The following SAMD12 variants were observed in gnomAD, a reference collection of about 807,000 sequenced individuals.
The protein encoded by SAMD12 is sterile alpha motif domain containing 12.
In SAMD12, 9 loss-of-function variants were observed where a neutral mutation model predicts 15.0. That is an observed-to-expected ratio of 0.60 (90% confidence interval 0.36 to 1.05). SAMD12 has a LOEUF of 1.05. SAMD12 is among the 50% of genes least tolerant of loss of function. The pLI is 0.01. For synonymous variants in SAMD12, 86 were observed against 90.1 expected, an observed-to-expected ratio of 0.96 and a Z score of 0.25; for missense variants, 230 against 234.2, an observed-to-expected ratio of 0.98 and a Z score of 0.12.
chr8:118,384,665 C>T (rs890987852), intron 3 of SAMD12, among the ~76,000 whole-genome samples: 1 of 152,140 alleles, frequency 6.6e-6, no homozygotes, highest in Admixed American at 6.6e-5. Context: ...GGAGGAAATC[C>T]TGGTAGCATT....
intron 3 of SAMD12, among the ~76,000 whole-genome samples, chr8:118,396,793 G>C (rs2450319): frequency 6.6e-6 from 1 of 152,164 alleles, no homozygotes; most frequent in East Asian, 1.9e-4. Context: ...TTAAAGTACA[G>C]AAACCAGTTC....
At chr8:118,134,287 C>A in the SAMD12 span, among the ~76,000 whole-genome samples, 1 of 152,218 alleles carries the variant, frequency 6.6e-6, no homozygotes, top group African/African-American at 2.4e-5. Context: ...AGCTTCCCTG[C>A]TAATTAGCTC....
intron 4 of SAMD12, among the ~76,000 whole-genome samples, chr8:118,321,837 GATA>G (rs945634094): frequency 1.4e-5 from 2 of 144,142 alleles, no homozygotes; most frequent in Non-Finnish European, 2.9e-5. Context: ...AAATGAGGAT[GATA>G]ATAATAAGCC....
chr8:118,601,081 C>T (rs1827853802), intron 1 of SAMD12, among the ~76,000 whole-genome samples: 4 of 152,000 alleles, frequency 2.6e-5, no homozygotes, highest in Admixed American at 2.6e-4. Context: ...AAAAACCATA[C>T]AAAAAGAAAA....
intron 4 of SAMD12, among the ~76,000 whole-genome samples, chr8:118,359,641 T>G (rs1346638473): frequency 6.6e-6 from 1 of 152,188 alleles, no homozygotes; most frequent in Non-Finnish European, 1.5e-5. Flanking sequence ...CTTCTTATAC[T>G]GTGTGACTTG....
intron 4 of SAMD12, among the ~76,000 whole-genome samples, chr8:118,211,092 G>C (rs899088111): frequency 6.6e-6 from 1 of 152,194 alleles, no homozygotes; most frequent in African/African-American, 2.4e-5. Flanking sequence ...GATTCCAGGG[G>C]AGCAGAAGGG....
rs141395853 is a variant in SAMD12 at position 118,217,875 on chromosome 8, G to A, written c.434-20143C>T. 4.1e-3 allele frequency among the ~76,000 whole-genome samples: 620 copies of A among 152,240 alleles called. 4 individuals carry two copies. The highest frequency in any genetic ancestry group is 0.01 in the Middle Eastern group (3 of 294). On this transcript the variant is annotated intron_variant, in intron 4 of 4. Coordinates refer to the SAMD12 transcript ENST00000409003. ...TAGTGCCTTATTGACTCTGATTTCT[G>A]GATGTGCTGTTCCTAATACTTAGAA... is the stretch of plus-strand genomic sequence containing the variant.
At chr8:118,339,810 G>C (rs965400950) in intron 4 of SAMD12, among the ~76,000 whole-genome samples, 2 of 152,238 alleles carry the variant, frequency 1.3e-5, no homozygotes, top group African/African-American at 4.8e-5. Context: ...CCTTGCCCCT[G>C]TCAGGGCTCC....
chr8:118,447,554 C>T (rs927507879), intron 2 of SAMD12, among the ~76,000 whole-genome samples: 6 of 151,952 alleles, frequency 3.9e-5, no homozygotes, highest in African/African-American at 9.7e-5. Context: ...TTGCCTGCCT[C>T]GGCCTCCCAA....
intron 4 of SAMD12, among the ~76,000 whole-genome samples, chr8:118,341,979 A>C (rs1460079440): frequency 6.6e-6 from 1 of 152,202 alleles, no homozygotes; most frequent in Non-Finnish European, 1.5e-5. Context: ...TAAAGCACTA[A>C]ACAAAATTCC....
At chr8:118,397,537 C>T (rs1243222266) in intron 3 of SAMD12, among the ~76,000 whole-genome samples, 5 of 152,072 alleles carry the variant, frequency 3.3e-5, no homozygotes, top group Non-Finnish European at 7.4e-5. Context: ...CTAGGTCACT[C>T]GATAACTGAG....
rs180747913 is a variant in SAMD12, at chr8:118,337,074, T to C, written c.433+42486A>G. Among the ~76,000 whole-genome samples, 160 of 151,746 alleles carry C rather than the reference T, an allele frequency of 1.1e-3. 2 individuals carry two copies. The highest frequency in any genetic ancestry group is 3.3e-3 in the South Asian group (16 of 4,806). On this transcript the variant is annotated intron_variant, in intron 4 of 4. Coordinates refer to the SAMD12 transcript ENST00000409003. ...ATACCTAATGTAAATGATGAGTTAATGGGTGCAGCACACCAACATGGCACA... is the reference window on the plus strand; with the variant it reads ...ATACCTAATGTAAATGATGAGTTAACGGGTGCAGCACACCAACATGGCACA...
At chr8:118,291,833 A>C (rs1171485972) in intron 4 of SAMD12, among the ~76,000 whole-genome samples, 1 of 150,954 alleles carries the variant, frequency 6.6e-6, no homozygotes, top group Non-Finnish European at 1.5e-5. Context: ...TGACTTCCAT[A>C]GAGTGACTTT....
At chr8:118,147,884 G>C in the SAMD12 span, among the ~76,000 whole-genome samples, 3 of 149,528 alleles carry the variant, frequency 2.0e-5, no homozygotes. Flanking sequence ...TAAGTAGCTA[G>C]GATTACTCCT....
intron 4 of SAMD12, among the ~76,000 whole-genome samples, chr8:118,370,486 T>C (rs1371909980): frequency 6.6e-6 from 1 of 152,138 alleles, no homozygotes; most frequent in Non-Finnish European, 1.5e-5. Flanking sequence ...CATGCATGCA[T>C]ATAATCACTG....
chr8:118,499,855 C>T (rs1824728763), intron 2 of SAMD12, among the ~76,000 whole-genome samples: 1 of 152,148 alleles, frequency 6.6e-6, no homozygotes, highest in Non-Finnish European at 1.5e-5. Flanking sequence ...AGAGAATCAA[C>T]AGAGTTGTCA....
At chr8:118,366,876 TAAAATAATAAAATAAAATAAAATAA>T (rs1818817764) in intron 4 of SAMD12, among the ~76,000 whole-genome samples, 1 of 114,650 alleles carries the variant, frequency 8.7e-6, no homozygotes, top group Non-Finnish European at 1.8e-5. Flanking sequence ...TAAAATAAAA[TAAAATAATAAAATAAAATAAAATAA>T]AATAAAATAA....
At chr8:118,361,787 A>G (rs532556460) in intron 4 of SAMD12, among the ~76,000 whole-genome samples, 13 of 152,196 alleles carry the variant, frequency 8.5e-5, no homozygotes, top group Non-Finnish European at 1.6e-4. Flanking sequence ...TTTATATAGT[A>G]CTTATACAGG....
At chr8:118,245,998 G>C (rs1485927302) in intron 4 of SAMD12, among the ~76,000 whole-genome samples, 1 of 152,184 alleles carries the variant, frequency 6.6e-6, no homozygotes, top group Non-Finnish European at 1.5e-5. Flanking sequence ...CTAAAGTGGA[G>C]AGGGAAGCGT....
Sources: allele counts gnomAD v4.1 joint callset (sites outside exome capture counted in the v4.1 genomes callset), GRCh38; gene constraint gnomAD v4.1.1; transcripts MANE v1.5; gene names NCBI Gene and HGNC (gene_info 2026-07-23, HGNC 2026-07-21).